Variants in ATP8A2 observed in about 807,000 individuals in gnomAD.
ATP8A2 encodes the protein ATPase phospholipid transporting 8A2.
In ATP8A2, 100 loss-of-function variants were observed where a neutral mutation model predicts 165.6. That is an observed-to-expected ratio of 0.60 (90% CI 0.51 to 0.71). The LOEUF (loss-of-function observed/expected upper bound fraction) is 0.71, where lower values mean the gene tolerates loss of function less well. Among genes scored for constraint, ATP8A2 ranks in the 30% least tolerant of loss-of-function variants. ATP8A2 has a pLI of 0.00. For synonymous variants in ATP8A2, 543 were observed against 548.8 expected (o/e 0.99, Z 0.15); for missense variants, 1,227 against 1,479.5 (o/e 0.83, Z 2.80).
chr13:25,629,170 G>T (rs1404605753), intron 24 of ATP8A2, among the ~76,000 whole-genome samples: 1 of 152,152 alleles, frequency 6.6e-6, no homozygotes, highest in African/African-American at 2.4e-5. Flanking sequence ...CACATAGAAA[G>T]TGTTCGTAGA....
At chr13:25,938,715 A>T (rs561949002) in intron 33 of ATP8A2, among the ~76,000 whole-genome samples, 171 of 152,328 alleles carry the variant, frequency 1.1e-3, no homozygotes, top group Middle Eastern at 6.8e-3. Context: ...AGTGTTCTCC[A>T]GAGGGGCTAG....
chr13:25,492,462 G>A (rs1412544226), intron 2 of ATP8A2, among the ~76,000 whole-genome samples: 1 of 152,082 alleles, frequency 6.6e-6, no homozygotes, highest in Non-Finnish European at 1.5e-5. Flanking sequence ...TAGAGAAGGG[G>A]GCTGCTTACA....
At chr13:25,528,975 A>G (rs2037942875) in intron 2 of ATP8A2, among the ~76,000 whole-genome samples, 2 of 150,970 alleles carry the variant, frequency 1.3e-5, no homozygotes, top group African/African-American at 4.9e-5. Flanking sequence ...ATCCCTCCCC[A>G]CTTCCCCCAC....
intron 1 of ATP8A2, among the ~76,000 whole-genome samples, chr13:25,402,738 G>A (rs2033677336): frequency 6.6e-6 from 1 of 152,166 alleles, no homozygotes; most frequent in African/African-American, 2.4e-5. Context: ...CTTTGAGAAT[G>A]GGATTAATGC....
chr13:25,788,039 C>T (rs539834083), intron 27 of ATP8A2, among the ~76,000 whole-genome samples: 2 of 152,262 alleles, frequency 1.3e-5, no homozygotes, highest in South Asian at 2.1e-4. Context: ...TGGTGCCTGC[C>T]GCTAGCAGAG....
At position 25,660,912 on chromosome 13, in the gene ATP8A2, G is replaced by A. The variant is rs545929397; in HGVS notation, c.2212-38261G>A. ...ACATAAAACCAAAAGTGAGTGCCAA[G>A]CAGTGCAGACTTTATTCGATGGTCA... On this transcript the variant is annotated intron_variant, in intron 24 of 36. Coordinates refer to ENST00000381655, the MANE Select transcript of ATP8A2 (RefSeq NM_016529.6). Among the ~76,000 whole-genome samples, 4 of 152,276 alleles carry A rather than the reference G, an allele frequency of 2.6e-5. No homozygotes were observed. In the South Asian group the frequency reaches 6.2e-4, roughly 24 times the overall value.
chr13:25,821,722 T>C (rs1951186238), intron 27 of ATP8A2, among the ~76,000 whole-genome samples: 1 of 152,200 alleles, frequency 6.6e-6, no homozygotes, highest in Admixed American at 6.5e-5. Flanking sequence ...TTGGACTATA[T>C]GATTTTTTGC....
chr13:25,774,847 A>T lies in ATP8A2; in HGVS notation c.2569-2A>T. The T allele has an allele frequency of 1.3e-6, 2 of 1,593,942 alleles. No homozygotes were observed. Among genetic ancestry groups the T allele is most frequent in the Admixed American group, 1.7e-5 (1 of 58,878 alleles). ...CTGAGCTTTGTAATTTTCCTTTTTCAGTTTTCCTACTTAGAGAAGCTTCTG... is the reference window on the plus strand; with the variant it reads ...CTGAGCTTTGTAATTTTCCTTTTTCTGTTTTCCTACTTAGAGAAGCTTCTG... On this transcript the variant is annotated splice_acceptor_variant, in intron 26 of 36. Coordinates refer to ENST00000381655, the MANE Select transcript of ATP8A2 (RefSeq NM_016529.6). LOFTEE classifies it high-confidence loss of function.
intron 33 of ATP8A2, among the ~76,000 whole-genome samples, chr13:25,891,411 C>G (rs911531600): frequency 2.6e-5 from 4 of 152,122 alleles, no homozygotes; most frequent in African/African-American, 7.2e-5. Flanking sequence ...CAACCTCCCC[C>G]TCCCAGGTTC....
At chr13:25,614,120 C>T (rs114571162) in intron 24 of ATP8A2, among the ~76,000 whole-genome samples, 2,176 of 152,256 alleles carry the variant, frequency 0.014, 48 homozygotes, top group African/African-American at 0.05. Context: ...CCCTCAAATA[C>T]GTTTTCTAAA....
Position 26,020,442 on chromosome 13 carries a change from T to C in ATP8A2, c.*457T>C, listed in dbSNP as rs1267412921. On this transcript the variant is annotated 3_prime_UTR_variant, in exon 37 of 37. Transcript: ENST00000381655. Reference sequence around the variant, plus strand: ...CCAACGGGCCACATGCAGACTTCACTGTAGGCAGGTTGCTCTCCTGCTTTG... The same window carrying C: ...CCAACGGGCCACATGCAGACTTCACCGTAGGCAGGTTGCTCTCCTGCTTTG... The C allele has an allele frequency of 6.4e-6, 1 of 155,770 alleles. No homozygotes were observed. The highest frequency in any genetic ancestry group is 1.9e-4 in the East Asian group (1 of 5,268). 9.6% of individuals were successfully genotyped at this position (155,770 alleles called of 1,614,324 possible).
chr13:25,516,047 T>C (rs1158398420), intron 2 of ATP8A2, among the ~76,000 whole-genome samples: 1 of 152,234 alleles, frequency 6.6e-6, no homozygotes. Flanking sequence ...TTTTTAACTC[T>C]ACAACATGAG....
intron 1 of ATP8A2, among the ~76,000 whole-genome samples, chr13:25,384,025 C>CT (rs1340190278): frequency 6.6e-6 from 1 of 152,160 alleles, no homozygotes; most frequent in East Asian, 1.9e-4. Flanking sequence ...GAGTGGCCAT[C>CT]TGTCTTATTT....
intron 25 of ATP8A2, among the ~76,000 whole-genome samples, chr13:25,731,436 A>G (rs4770868): frequency 0.58 from 88,855 of 151,956 alleles, 28,829 homozygotes; most frequent in Non-Finnish European, 0.75. Flanking sequence ...AAAGATAAGG[A>G]TTAAAGCCAT....
intron 25 of ATP8A2, among the ~76,000 whole-genome samples, chr13:25,710,616 T>A (rs1306237845): frequency 6.6e-6 from 1 of 152,214 alleles, no homozygotes; most frequent in African/African-American, 2.4e-5. Flanking sequence ...GGCTGTTCAC[T>A]GTGACCCAAC....
At chr13:25,539,792 A>G (rs2038411501) in intron 7 of ATP8A2, among the ~76,000 whole-genome samples, 1 of 152,194 alleles carries the variant, frequency 6.6e-6, no homozygotes, top group East Asian at 1.9e-4. Flanking sequence ...CGAGTTTTCT[A>G]TCTTTAATGC....
intron 33 of ATP8A2, among the ~76,000 whole-genome samples, chr13:25,879,504 T>C (rs1235284665): frequency 6.6e-6 from 1 of 152,238 alleles, no homozygotes; most frequent in Non-Finnish European, 1.5e-5. Context: ...AGAAAGCTGG[T>C]AGAAGCCAAG....
intron 1 of ATP8A2, among the ~76,000 whole-genome samples, chr13:25,404,146 A>T (rs991630555): frequency 2.0e-5 from 3 of 152,184 alleles, no homozygotes; most frequent in African/African-American, 7.2e-5. Context: ...GGAAGCACAC[A>T]GGAAAATCAC....
At chr13:25,754,704 T>C (rs1173193789) in intron 25 of ATP8A2, among the ~76,000 whole-genome samples, 1 of 152,164 alleles carries the variant, frequency 6.6e-6, no homozygotes, top group Admixed American at 6.5e-5. Flanking sequence ...TTAATTTTTA[T>C]AATATTTAAG....
Sources: allele counts gnomAD v4.1 joint callset (sites outside exome capture counted in the v4.1 genomes callset), GRCh38; gene constraint gnomAD v4.1.1; transcripts MANE v1.5; gene names NCBI Gene and HGNC (gene_info 2026-07-23, HGNC 2026-07-21).